CCDC146: variants seen among roughly 807,000 people sequenced by gnomAD.
CCDC146 encodes the protein coiled-coil domain containing 146.
Under a neutral mutation model 119.3 loss-of-function variants are expected in CCDC146, and 92 were observed. The observed-to-expected ratio is 0.77, with a 90% confidence interval of 0.65 to 0.92. The LOEUF (loss-of-function observed/expected upper bound fraction) is 0.92. Among genes scored for constraint, CCDC146 ranks in the 40% least tolerant of loss-of-function variants. The pLI is 0.00. For missense variants in CCDC146, 1,000 were observed against 1,103.0 expected (o/e 0.91, Z 1.32); for synonymous variants, 372 against 371.8 (o/e 1.00, Z -0.01).
chr7:77,222,407 A>G (rs1259306885), intron 2 of CCDC146, among the ~76,000 whole-genome samples: 1 of 152,226 alleles, frequency 6.6e-6, no homozygotes, highest in Non-Finnish European at 1.5e-5. Flanking sequence ...GTGGGGCACC[A>G]GAGGTCCCAG....
rs1215228038 is a variant in CCDC146 at position 77,278,732 on chromosome 7, C to T, written c.1441-20C>T. Reference sequence around the variant, plus strand: ...TGTTCATATGTTGTTATTTATTTCACATTTTTTTGTACATTTCAGCAAAAA... The same window carrying T: ...TGTTCATATGTTGTTATTTATTTCATATTTTTTTGTACATTTCAGCAAAAA... On this transcript the variant is annotated intron_variant, in intron 11 of 18. Coordinates refer to ENST00000285871, the MANE Select transcript of CCDC146 (RefSeq NM_020879.3). 6.5e-7 allele frequency: 1 copy of T among 1,542,524 alleles called. No individual in the cohort carries two copies. Among genetic ancestry groups the T allele is most frequent in the Non-Finnish European group, 8.9e-7 (1 of 1,119,630 alleles).
At chr7:77,288,959 G>T (rs1793895925) in intron 17 of CCDC146, among the ~76,000 whole-genome samples, 1 of 152,204 alleles carries the variant, frequency 6.6e-6, no homozygotes, top group African/African-American at 2.4e-5. Context: ...GTAAATATTA[G>T]ACTATCTTTG....
chr7:77,274,920 C>T (rs1036218328), intron 11 of CCDC146, among the ~76,000 whole-genome samples: 4 of 152,012 alleles, frequency 2.6e-5, no homozygotes, highest in Non-Finnish European at 5.9e-5. Flanking sequence ...GGAGATATAC[C>T]TAATGTAAAT....
At chr7:77,167,255 A>G (rs1791350461) in intron 1 of CCDC146, among the ~76,000 whole-genome samples, 1 of 152,144 alleles carries the variant, frequency 6.6e-6, no homozygotes, top group Non-Finnish European at 1.5e-5. Flanking sequence ...TGTACAATGT[A>G]TAGATTATAG....
At chr7:77,287,299 A>G in intron 16 of CCDC146, 141 bp from the exon 17 acceptor site, 1 of 804,528 alleles carries the variant, frequency 1.2e-6, no homozygotes, top group East Asian at 2.6e-5. Context: ...GGGCTGGGGC[A>G]GGGAAAGTCT....
intron 2 of CCDC146, among the ~76,000 whole-genome samples, chr7:77,184,554 C>T (rs1000920464): frequency 6.6e-6 from 1 of 152,214 alleles, no homozygotes; most frequent in Non-Finnish European, 1.5e-5. Context: ...ATTATTTTAT[C>T]TAACAAATGA....
intron 2 of CCDC146, among the ~76,000 whole-genome samples, chr7:77,177,762 T>C (rs1163808016): frequency 6.6e-6 from 1 of 152,226 alleles, no homozygotes; most frequent in East Asian, 1.9e-4. Context: ...TAAACCTTCC[T>C]GCAAATCTTG....
chr7:77,139,098 G>T (rs1790898384), intron 1 of CCDC146, among the ~76,000 whole-genome samples: 1 of 152,120 alleles, frequency 6.6e-6, no homozygotes, highest in Admixed American at 6.6e-5. Context: ...CCAAAACTAG[G>T]AAGCAACCCA....
chr7:77,265,827 C>T (rs535301314), intron 9 of CCDC146, among the ~76,000 whole-genome samples: 5 of 152,304 alleles, frequency 3.3e-5, no homozygotes, highest in East Asian at 1.9e-4. Flanking sequence ...AAACAGGTGG[C>T]CTTTTGCCTC....
intron 2 of CCDC146, among the ~76,000 whole-genome samples, chr7:77,227,987 T>C (rs1164449415): frequency 6.6e-6 from 1 of 152,206 alleles, no homozygotes; most frequent in African/African-American, 2.4e-5. Flanking sequence ...CAGTTCTTGC[T>C]TTCTGGCTTA....
At chr7:77,176,909 C>T (rs535003098) in intron 2 of CCDC146, among the ~76,000 whole-genome samples, 2 of 152,140 alleles carry the variant, frequency 1.3e-5, no homozygotes, top group East Asian at 3.9e-4. Context: ...AATCTCAGCT[C>T]ACTGCAACTT....
intron 1 of CCDC146, among the ~76,000 whole-genome samples, chr7:77,127,513 G>A (rs1460816417): frequency 1.3e-5 from 2 of 152,086 alleles, no homozygotes; most frequent in Non-Finnish European, 2.9e-5. Context: ...CTAAATTTGT[G>A]AGGATTTTTA....
intron 2 of CCDC146, among the ~76,000 whole-genome samples, chr7:77,232,217 T>G (rs1338853410): frequency 6.6e-6 from 1 of 152,214 alleles, no homozygotes; most frequent in Non-Finnish European, 1.5e-5. Flanking sequence ...AAGGTTTTCA[T>G]CCTTTTCCAC....
At chr7:77,208,911 G>A (rs991186127) in intron 2 of CCDC146, among the ~76,000 whole-genome samples, 2 of 152,128 alleles carry the variant, frequency 1.3e-5, no homozygotes, top group Non-Finnish European at 2.9e-5. Flanking sequence ...TGTTGCCCAG[G>A]CTAGTCTAGA....
intron 2 of CCDC146, chr7:77,195,810 C>T (rs1291339282): frequency 6.4e-6 from 1 of 155,680 alleles, no homozygotes; most frequent in Non-Finnish European, 1.4e-5. Context: ...GCATGTACCA[C>T]CATGCCCGGC....
intron 3 of CCDC146, among the ~76,000 whole-genome samples, chr7:77,241,479 C>T (rs201658118): frequency 1.1e-4 from 5 of 44,754 alleles, no homozygotes; most frequent in Non-Finnish European, 1.8e-4. Flanking sequence ...GTGAAGCAGA[C>T]TCAATTTTTT....
At chr7:77,234,414 C>G (rs1036996790) in intron 2 of CCDC146, among the ~76,000 whole-genome samples, 1 of 152,164 alleles carries the variant, frequency 6.6e-6, no homozygotes, top group Admixed American at 6.5e-5. Flanking sequence ...ATTAAGTCGA[C>G]TTACCAACAG....
At chr7:77,218,641 ACTCTGT>A (rs1792343087) in intron 2 of CCDC146, among the ~76,000 whole-genome samples, 1 of 146,494 alleles carries the variant, frequency 6.8e-6, no homozygotes, top group African/African-American at 2.5e-5. Context: ...GCAGGGTCTC[ACTCTGT>A]CACCCAGGTG....
At chr7:77,280,291 C>T in intron 13 of CCDC146, 138 bp from the exon 14 acceptor site, 1 of 626,184 alleles carries the variant, frequency 1.6e-6, no homozygotes, top group East Asian at 2.8e-5. Context: ...AGATGAATAT[C>T]ATTATTACTA....
Sources: gnomAD v4.1 joint callset for allele counts (sites outside exome capture counted in the v4.1 genomes callset) on GRCh38, gnomAD v4.1.1 for gene constraint, MANE v1.5 for transcripts, NCBI Gene and HGNC (gene_info 2026-07-23, HGNC 2026-07-21) for gene names.